TRAF7: variants seen among roughly 807,000 people sequenced by gnomAD.
The protein encoded by TRAF7 is TNF receptor associated factor 7, also known as E3 ubiquitin-protein ligase TRAF7.
In TRAF7, 45 loss-of-function variants were observed where a neutral mutation model predicts 89.3. That is an observed-to-expected ratio of 0.50 (90% CI 0.40 to 0.65). The LOEUF is 0.65. Among genes scored for constraint, TRAF7 ranks in the 30% least tolerant of loss-of-function variants. TRAF7 has a pLI of 0.00. For missense variants in TRAF7, 677 were observed against 918.1 expected, an observed-to-expected ratio of 0.74 and a Z score of 3.39; for synonymous variants, 406 against 369.2, an observed-to-expected ratio of 1.10 and a Z score of -1.14.
intron 3 of TRAF7, among the ~76,000 whole-genome samples, chr16:2,167,110 C>T (rs1470853712): frequency 6.6e-6 from 1 of 152,052 alleles, no homozygotes; most frequent in Non-Finnish European, 1.5e-5. Context: ...CTAATCCTAC[C>T]CCCCAAAAAA....
chr16:2,156,041 T>C (rs2093032449), intron 1 of TRAF7, among the ~76,000 whole-genome samples, 183 bp downstream of exon 1: 1 of 151,824 alleles, frequency 6.6e-6, no homozygotes, highest in Non-Finnish European at 1.5e-5. Context: ...CGCGTCGCTG[T>C]CCGTCCGCCA....
At position 2,170,722 on chromosome 16, in the gene TRAF7, G is replaced by A. The variant is rs1265071762; in HGVS notation, c.340G>A (p.Glu114Lys). 2 of 1,599,944 alleles carry A rather than the reference G, an allele frequency of 1.3e-6. No individual in the cohort carries two copies. Among genetic ancestry groups the A allele is most frequent in the Non-Finnish European group, 1.7e-6 (2 of 1,173,878 alleles). Residue 114 changes from glutamate (E) to lysine (K), a missense_variant, in exon 5 of 21, where the codon GAG (glutamate) becomes AAG (lysine). By Grantham distance (56) the Glu-to-Lys change is moderately conservative. This residue lies in a region of TRAF7 where 240 missense variants were observed against 191.9 expected (regional missense o/e 1.25). Coordinates refer to ENST00000326181, the MANE Select transcript of TRAF7 (RefSeq NM_032271.3). ...RSTFSLPEEE[E>K]EPEPLVFAEQ... ...CACATTCTCACTGCCCGAGGAGGAG[G>A]AGGAGCCGGTAGGTGTGGGGGACTC...
intron 2 of TRAF7, among the ~76,000 whole-genome samples, 170 bp downstream of exon 2, chr16:2,164,171 C>CGT (rs1282983342): frequency 1.5e-4 from 18 of 119,042 alleles, no homozygotes; most frequent in Admixed American, 4.0e-4. Flanking sequence ...CGCGCGCGCG[C>CGT]GCGCGCGCGC....
chr16:2,175,021 G>T, intron 14 of TRAF7, 90 bp from the exon 15 acceptor site: 2 of 1,534,946 alleles, frequency 1.3e-6, no homozygotes, highest in South Asian at 2.3e-5. Context: ...GCTGGTTCCT[G>T]ATGGCTGGCA....
chr16:2,160,492 A>C lies in TRAF7; in HGVS notation c.-38-3391A>C, dbSNP rs376357017. 1.2e-4 allele frequency among the ~76,000 whole-genome samples: 10 copies of C among 80,376 alleles called. No homozygotes were observed. In the East Asian group the frequency reaches 3.1e-3, roughly 25 times the overall value. 52.7% of individuals were successfully genotyped at this position (80,376 alleles called of 152,430 possible). A position where few individuals can be genotyped will look rare whatever the true frequency, so the allele number is the denominator to read the frequency against. ...TGGGCGGGCGGTGTGGACGGGCGGG[A>C]GGTGTGGACCGGCGGGCGGTGTGGG... is the stretch of plus-strand genomic sequence containing the variant. On this transcript the variant is annotated intron_variant, in intron 1 of 20. Transcript: ENST00000326181.
rs185257232 is a variant in TRAF7, at chr16:2,165,905, C to T, written c.108C>T (p.Pro36=). The change falls in exon 3 of 21, where the codon CCC becomes CCT. Residue 36 remains proline (P), a synonymous_variant. Transcript: ENST00000326181. ...CCAGAATGGAAACGACCTTCGGACC[C>T]GCCTTTTCAGCCGTCACCACCATCA... ...TGTRMETTFG[P]AFSAVTTITK... 1.9e-5 allele frequency: 31 copies of T among 1,614,108 alleles called. No homozygotes were observed. The highest frequency in any genetic ancestry group is 6.7e-5 in the East Asian group (3 of 44,880).
rs894388836 is a variant in TRAF7 at position 2,158,589 on chromosome 16, A to T, written c.-39+2731A>T. On this transcript the variant is annotated intron_variant, in intron 1 of 20. Coordinates refer to ENST00000326181, the MANE Select transcript of TRAF7 (RefSeq NM_032271.3). The surrounding 1 kb of genome is among the most constrained non-coding windows in gnomAD (Gnocchi z 4.7). ...CACGCTGGCATGAGGGCGCTGGGTG[A>T]CTGAGGGGGTCAGTGGTCTCTGCCC... Among the ~76,000 whole-genome samples, 2 of 152,174 alleles carry T rather than the reference A, an allele frequency of 1.3e-5. No homozygotes were observed.
At chr16:2,173,859 T>TTGGCGCGCC in intron 12 of TRAF7, 23 bp downstream of exon 12, 1 of 1,246,258 alleles carries the variant, frequency 8.0e-7, no homozygotes, top group Non-Finnish European at 1.1e-6. Flanking sequence ...CCGCCGTGGC[T>TTGGCGCGCC]CCCGCCCACC....
rs2093095813 is a variant in TRAF7, at chr16:2,168,494, A to C, written c.231+326A>C. 2 of 269,388 alleles carry C rather than the reference A, an allele frequency of 7.4e-6. No homozygotes were observed. Among genetic ancestry groups the C allele is most frequent in the South Asian group, 5.0e-5 (1 of 19,932 alleles). 16.7% of individuals were successfully genotyped at this position (269,388 alleles called of 1,614,324 possible). Reference sequence around the variant, plus strand: ...GTTCAGTCAGGAGGATAGCACAATAAAATACATGCTTTGAAAGCTTCCTTT... The same window carrying C: ...GTTCAGTCAGGAGGATAGCACAATACAATACATGCTTTGAAAGCTTCCTTT... On this transcript the variant is annotated intron_variant, in intron 4 of 20. Coordinates refer to ENST00000326181, the MANE Select transcript of TRAF7 (RefSeq NM_032271.3). This position sits in a 1 kb window ranked among gnomAD's most constrained non-coding sequence, Gnocchi z 4.1.
chr16:2,177,282 T>G lies in TRAF7; in HGVS notation c.*708T>G, dbSNP rs561930898. The G allele has an allele frequency of 3.7e-4, 87 of 236,818 alleles. No individual in the cohort carries two copies. Among genetic ancestry groups the G allele is most frequent in the African/African-American group, 1.7e-3 (77 of 45,366 alleles). The allele number at this position is 236,818 out of a possible 1,614,324, so 14.7% of individuals were successfully genotyped here. A position where few individuals can be genotyped will look rare whatever the true frequency, so the allele number is the denominator to read the frequency against. On this transcript the variant is annotated 3_prime_UTR_variant, in exon 21 of 21. Coordinates refer to ENST00000326181, the MANE Select transcript of TRAF7 (RefSeq NM_032271.3). The stretch of plus-strand genomic sequence containing the variant: ...CTGTGCCGCCCTCTGAGGAGAGGCC[T>G]GGGGGGACAGCTGGGCACGTCCACT...
chr16:2,172,515 C>A lies in TRAF7; in HGVS notation c.710C>A (p.Pro237His). 6.2e-7 allele frequency: 1 copy of A among 1,600,554 alleles called. No individual in the cohort carries two copies. Residue 237 changes from proline to histidine, a missense_variant, in exon 9 of 21, where the codon CCC (proline) becomes CAC (histidine). By Grantham distance (77) the Pro-to-His change is moderately conservative. Coordinates refer to ENST00000326181, the MANE Select transcript of TRAF7 (RefSeq NM_032271.3). Reference protein sequence around the residue: ...DYRPVRCPNNPSCPPLLRMNL... With the variant: ...DYRPVRCPNNHSCPPLLRMNL... ...AGGCCTGTGCGGTGTCCCAACAACC[C>A]CAGCTGCCCCCCGCTGCTCAGGATG...
At chr16:2,170,425 G>T (rs973496356) in intron 4 of TRAF7, among the ~76,000 whole-genome samples, 189 bp from the exon 5 acceptor site, 1 of 152,238 alleles carries the variant, frequency 6.6e-6, no homozygotes, top group African/African-American at 2.4e-5. Context: ...AGGCGGGCAG[G>T]CAGGGACCTG....
chr16:2,164,154 G>A (rs1454795296), intron 2 of TRAF7, among the ~76,000 whole-genome samples, 153 bp downstream of exon 2: 1 of 131,454 alleles, frequency 7.6e-6, no homozygotes. Context: ...GTGTGTGTGT[G>A]TGTGTGCGCG....
rs376119190 is a variant in TRAF7 at position 2,165,881 on chromosome 16, C to G, written c.84C>G (p.Thr28=). 4.3e-6 allele frequency: 7 copies of G among 1,614,128 alleles called. No homozygotes were observed. The highest frequency in any genetic ancestry group is 5.9e-6 in the Non-Finnish European group (7 of 1,179,974). Residue 28 remains threonine, a splice_region_variant and synonymous_variant, in exon 3 of 21, where the codon ACC becomes ACG. Transcript: ENST00000326181. The part of the protein sequence containing the change: ...NLPTPDVTTG[T]RMETTFGPAF... The stretch of plus-strand genomic sequence containing the variant: ...GGTCTCCTCCGTCCTCCCTCTAGAC[C>G]AGAATGGAAACGACCTTCGGACCCG...
chr16:2,157,639 GT>G (rs2093040561), intron 1 of TRAF7, among the ~76,000 whole-genome samples: 1 of 152,032 alleles, frequency 6.6e-6, no homozygotes, highest in Non-Finnish European at 1.5e-5. Context: ...CGGCCAGCTG[GT>G]TGGACAAGGA....
At chr16:2,166,005 G>A in intron 3 of TRAF7, 69 bp downstream of exon 3, 1 of 1,582,236 alleles carries the variant, frequency 6.3e-7, no homozygotes, top group Non-Finnish European at 8.7e-7. Context: ...ACCCTGCTAA[G>A]GACTGAGGGA....
intron 3 of TRAF7, 81 bp from the exon 4 acceptor site, chr16:2,167,996 T>A: frequency 7.6e-7 from 1 of 1,318,710 alleles, no homozygotes; most frequent in Non-Finnish European, 1.1e-6. Context: ...ACCCACAGGG[T>A]CGGGTATCCA....
rs1015861882 is a variant in TRAF7 at position 2,163,065 on chromosome 16, T to A, written c.-38-818T>A. Among the ~76,000 whole-genome samples the A allele has an allele frequency of 1.7e-4, 26 of 152,236 alleles. No homozygotes were observed. The highest frequency in any genetic ancestry group is 5.8e-4 in the African/African-American group (24 of 41,548). ...TGGCTGGGTCTCTTTTTCTCTCTAA[T>A]GTTTACCTTCCCCTACTGGTGTCCC... On this transcript the variant is annotated intron_variant, in intron 1 of 20. Transcript: ENST00000326181. The surrounding 1 kb of genome is among the most constrained non-coding windows in gnomAD (Gnocchi z 4.3).
At position 2,175,099 on chromosome 16, in the gene TRAF7, C is replaced by G; in HGVS notation, c.1347-12C>G. On this transcript the variant is annotated splice_polypyrimidine_tract_variant and intron_variant, in intron 14 of 20. Coordinates refer to ENST00000326181, the MANE Select transcript of TRAF7 (RefSeq NM_032271.3). ...CTTCTCCCACCTTGACACATTGTCTCTGCTTCCCCAGGTGCAAACTCTACA... is the reference window on the plus strand; with the variant it reads ...CTTCTCCCACCTTGACACATTGTCTGTGCTTCCCCAGGTGCAAACTCTACA... The G allele has an allele frequency of 6.2e-7, 1 of 1,613,868 alleles. No homozygotes were observed. The highest frequency in any genetic ancestry group is 8.5e-7 in the Non-Finnish European group (1 of 1,179,952).
Sources: allele counts gnomAD v4.1 joint callset (sites outside exome capture counted in the v4.1 genomes callset), GRCh38; gene constraint gnomAD v4.1.1; regional missense constraint gnomAD v4.1.1; non-coding constraint Gnocchi (gnomAD v3.1); transcripts MANE v1.5; gene names NCBI Gene and HGNC (gene_info 2026-07-23, HGNC 2026-07-21).